The following LRRTM4 variants were observed in gnomAD, a reference collection of about 807,000 sequenced individuals.
LRRTM4 encodes the protein leucine rich repeat transmembrane neuronal 4, also known as leucine-rich repeat transmembrane neuronal protein 4.
LRRTM4 carries 25 observed loss-of-function variants against 47.6 expected under a neutral mutation model. The observed-to-expected ratio is 0.53, with a 90% CI of 0.38 to 0.73. LRRTM4 has a LOEUF of 0.73. Ranked by LOEUF, LRRTM4 falls within the 30% of genes least tolerant of loss-of-function variation. The probability of loss-of-function intolerance (pLI) is 0.00; values close to 1 mark genes in which losing one functional copy is unlikely to be tolerated. For missense variants in LRRTM4, 638 were observed against 713.4 expected, an observed-to-expected ratio of 0.89 and a Z score of 1.20; for synonymous variants, 311 against 269.5, an observed-to-expected ratio of 1.15 and a Z score of -1.51.
intron 3 of LRRTM4, among the ~76,000 whole-genome samples, chr2:77,418,910 G>A (rs758284067): frequency 6.6e-6 from 1 of 152,066 alleles, no homozygotes; most frequent in Non-Finnish European, 1.5e-5. Flanking sequence ...CTATACAATG[G>A]CATTTATTTA....
intron 3 of LRRTM4, among the ~76,000 whole-genome samples, chr2:77,207,866 CTTTTTTTTTT>C (rs754540782): frequency 4.7e-5 from 2 of 42,592 alleles, no homozygotes; most frequent in African/African-American, 2.0e-4. Context: ...GGGAAAGTGG[CTTTTTTTTTT>C]TTTTTTTTTT....
chr2:77,519,076 T>A lies in LRRTM4; in HGVS notation c.793A>T (p.Ile265Phe). Reference protein sequence around the residue: ...LHNLDLSGNDIQGIEPGTFKC... With the variant: ...LHNLDLSGNDFQGIEPGTFKC... Reference sequence around the variant, plus strand: ...AATGTGCCCGGCTCAATTCCTTGGATGTCATTCCCTGATAAATCCAAGTTG... The same window carrying A: ...AATGTGCCCGGCTCAATTCCTTGGAAGTCATTCCCTGATAAATCCAAGTTG... The change falls in exon 3 of 4, where the codon ATC becomes TTC. Residue 265 changes from isoleucine to phenylalanine, a missense_variant. Ile to Phe is a conservative substitution (Grantham distance 21). Transcript: ENST00000409884. The surrounding 1 kb of genome is among the most constrained non-coding windows in gnomAD (Gnocchi z 4.6). The A allele has an allele frequency of 6.2e-7, 1 of 1,612,876 alleles. No individual in the cohort carries two copies. The highest frequency in any genetic ancestry group is 8.5e-7 in the Non-Finnish European group (1 of 1,179,428).
At chr2:77,333,449 T>C (rs749723320) in intron 3 of LRRTM4, among the ~76,000 whole-genome samples, 10 of 152,086 alleles carry the variant, frequency 6.6e-5, no homozygotes, top group Non-Finnish European at 1.3e-4. Flanking sequence ...CACTGGGAGA[T>C]AGGGAAATTG....
intron 3 of LRRTM4, among the ~76,000 whole-genome samples, chr2:76,998,777 T>C (rs1677301558): frequency 1.3e-5 from 2 of 151,638 alleles, no homozygotes; most frequent in Non-Finnish European, 2.9e-5. Context: ...CTGTTTTTTT[T>C]TTTTTTCCTT....
At chr2:76,916,401 A>AAAAAAAAAAAAAAAAAAAAAAC (rs1674250408) in intron 3 of LRRTM4, among the ~76,000 whole-genome samples, 1 of 148,026 alleles carries the variant, frequency 6.8e-6, no homozygotes, top group Non-Finnish European at 1.5e-5. Context: ...AAAAAAAAAA[A>AAAAAAAAAAAAAAAAAAAAAAC]AAAAAAGAAA....
chr2:77,216,495 A>G (rs1192171818), intron 3 of LRRTM4, among the ~76,000 whole-genome samples: 4 of 151,056 alleles, frequency 2.6e-5, no homozygotes, highest in Admixed American at 2.0e-4. Flanking sequence ...TGAAACACCA[A>G]TCTCAGCTCA....
chr2:77,244,470 A>G (rs1388011776), intron 3 of LRRTM4, among the ~76,000 whole-genome samples: 1 of 152,142 alleles, frequency 6.6e-6, no homozygotes, highest in Non-Finnish European at 1.5e-5. Flanking sequence ...TTATACCTAG[A>G]TTAAAAAATA....
intron 2 of LRRTM4, among the ~76,000 whole-genome samples, chr2:77,520,380 G>A (rs1679436081): frequency 6.6e-6 from 1 of 152,050 alleles, no homozygotes; most frequent in Admixed American, 6.6e-5. Context: ...CTGAAATTGT[G>A]TACTTATTGC....
At chr2:76,774,448 A>C (rs2860868) in intron 3 of LRRTM4, among the ~76,000 whole-genome samples, 40,670 of 152,006 alleles carry the variant, frequency 0.27, 6,430 homozygotes, top group African/African-American at 0.44. Flanking sequence ...CCTTGGCCTC[A>C]CAAAGTGCTG....
In LRRTM4 at chr2:76,935,846, C is replaced by G. The variant is rs1295177121; in HGVS notation, c.1552-186930G>C. On this transcript the variant is annotated intron_variant, in intron 3 of 3. Coordinates refer to ENST00000409884, the MANE Select transcript of LRRTM4 (RefSeq NM_001134745.3). ...AATACTCTTTATTTCTCTCCCTTGC[C>G]TGAATGTGCTGGCCAGAACTTCCAA... is the stretch of plus-strand genomic sequence containing the variant. Among the ~76,000 whole-genome samples the G allele has an allele frequency of 3.3e-5, 5 of 152,130 alleles. No individual in the cohort carries two copies. In the South Asian group the frequency reaches 8.3e-4, roughly 25 times the overall value.
At chr2:77,428,265 A>G (rs1453634657) in intron 3 of LRRTM4, among the ~76,000 whole-genome samples, 10 of 152,172 alleles carry the variant, frequency 6.6e-5, no homozygotes, top group Admixed American at 6.5e-4. Flanking sequence ...ACGAGAATGG[A>G]CTGATACACC....
At chr2:77,508,875 T>A (rs1678874267) in intron 3 of LRRTM4, among the ~76,000 whole-genome samples, 1 of 152,090 alleles carries the variant, frequency 6.6e-6, no homozygotes, top group Non-Finnish European at 1.5e-5. Context: ...AAGGAATATT[T>A]AATGTATTGT....
At chr2:77,010,234 T>A (rs919792319) in intron 3 of LRRTM4, among the ~76,000 whole-genome samples, 3 of 152,008 alleles carry the variant, frequency 2.0e-5, no homozygotes, top group African/African-American at 7.2e-5. Flanking sequence ...TTTTTTGGAA[T>A]GTATTTATTG....
intron 3 of LRRTM4, among the ~76,000 whole-genome samples, chr2:77,088,585 G>C (rs566716264): frequency 2.0e-4 from 30 of 152,032 alleles, no homozygotes; most frequent in African/African-American, 7.0e-4. Context: ...CTCTCTTTTC[G>C]GACTCAGCCC....
In LRRTM4 at chr2:77,318,107, C is replaced by T. The variant is rs565296301; in HGVS notation, c.1551+200211G>A. ...CTACAAGCTCCGCCTCCCAGGTTCACGCCATTCTCCTGCCTCAGCCTCCCG... is the reference window on the plus strand; with the variant it reads ...CTACAAGCTCCGCCTCCCAGGTTCATGCCATTCTCCTGCCTCAGCCTCCCG... On this transcript the variant is annotated intron_variant, in intron 3 of 3. Transcript: ENST00000409884. Among the ~76,000 whole-genome samples the T allele has an allele frequency of 9.3e-5, 14 of 150,094 alleles. No homozygotes were observed. In the South Asian group the frequency reaches 2.3e-3, roughly 25 times the overall value.
At chr2:77,301,654 A>G (rs1040554432) in intron 3 of LRRTM4, among the ~76,000 whole-genome samples, 28 of 151,836 alleles carry the variant, frequency 1.8e-4, no homozygotes, top group African/African-American at 6.3e-4. Context: ...ATTCTGCCCC[A>G]TGAGACACCA....
chr2:76,780,835 C>G (rs868202584), intron 3 of LRRTM4, among the ~76,000 whole-genome samples: 2,553 of 150,398 alleles, frequency 0.017, 23 homozygotes, highest in African/African-American at 0.054. Context: ...GAGAGGTGCT[C>G]TGCTTTTCAG....
intron 3 of LRRTM4, among the ~76,000 whole-genome samples, chr2:77,192,082 T>C (rs1430252392): frequency 6.6e-6 from 1 of 152,058 alleles, no homozygotes; most frequent in Non-Finnish European, 1.5e-5. Flanking sequence ...TAACTAAAAA[T>C]TGGCAAAAAA....
At chr2:77,269,989 T>G (rs577064670) in intron 3 of LRRTM4, among the ~76,000 whole-genome samples, 7 of 152,302 alleles carry the variant, frequency 4.6e-5, no homozygotes, top group Non-Finnish European at 7.4e-5. Flanking sequence ...TGTGTGTTTT[T>G]TGATTGCTGA....
Sources: gnomAD v4.1 joint callset for allele counts (sites outside exome capture counted in the v4.1 genomes callset) on GRCh38, gnomAD v4.1.1 for gene constraint, Gnocchi (gnomAD v3.1) non-coding constraint, MANE v1.5 for transcripts, NCBI Gene and HGNC (gene_info 2026-07-23, HGNC 2026-07-21) for gene names.